The following COL11A1 variants were observed in gnomAD, a reference collection of about 807,000 sequenced individuals.
The protein encoded by COL11A1 is collagen type XI alpha 1 chain.
COL11A1 carries 74 observed loss-of-function variants against 265.2 expected under a neutral mutation model. The ratio of observed to expected loss-of-function variants is 0.28; its 90% CI spans 0.23 to 0.34. COL11A1 has a LOEUF of 0.34. Ranked by LOEUF, COL11A1 falls within the 10% of genes least tolerant of loss-of-function variation. The probability of loss-of-function intolerance (pLI) is 1.00; values close to 1 mark genes in which losing one functional copy is unlikely to be tolerated. For missense variants in COL11A1, 2,165 were observed against 2,263.6 expected (o/e 0.96, Z 0.88); for synonymous variants, 816 against 727.6 (o/e 1.12, Z -1.96).
At chr1:102,916,237 G>A (rs1450515780) in intron 49 of COL11A1, among the ~76,000 whole-genome samples, 1 of 152,090 alleles carries the variant, frequency 6.6e-6, no homozygotes, top group Non-Finnish European at 1.5e-5. Context: ...CTCCATTTGA[G>A]TATACACATA....
chr1:102,934,610 A>C (rs1657951562), intron 45 of COL11A1, 54 bp from the exon 46 acceptor site: 1 of 1,378,258 alleles, frequency 7.3e-7, no homozygotes, highest in South Asian at 1.2e-5. Context: ...TTACGATATG[A>C]GTCATTAAAA....
intron 15 of COL11A1, 22 bp downstream of exon 15, chr1:103,008,441 A>T (rs769615830): frequency 6.2e-7 from 1 of 1,608,456 alleles, no homozygotes; most frequent in Non-Finnish European, 8.5e-7. Flanking sequence ...CAAGAATAAA[A>T]AGTCAAATTT....
chr1:103,036,253 A>T (rs1458010801), intron 4 of COL11A1, among the ~76,000 whole-genome samples: 1 of 149,622 alleles, frequency 6.7e-6, no homozygotes, highest in Non-Finnish European at 1.5e-5. Context: ...CTAGAATGCC[A>T]TACTTAATTA....
rs67228249 is a variant in COL11A1, at chr1:103,086,324, AC to A, written c.107-3353del. 3.9e-3 allele frequency among the ~76,000 whole-genome samples: 593 copies of A among 152,100 alleles called. 4 individuals carry two copies. Among genetic ancestry groups the A allele is most frequent in the African/African-American group, 0.014 (564 of 41,528 alleles). On this transcript the variant is annotated intron_variant, in intron 1 of 66. Transcript: ENST00000370096. ...GGCTGTAATTTTTCTGAAAAGGAAA[AC>A]AAAATGCATCCCCACTGTCATAATC...
At chr1:102,904,561 G>A (rs1197974828) in intron 54 of COL11A1, among the ~76,000 whole-genome samples, 1 of 151,756 alleles carries the variant, frequency 6.6e-6, no homozygotes, top group African/African-American at 2.4e-5. Context: ...AAAAGTGGGT[G>A]AAGGATATGA....
intron 11 of COL11A1, among the ~76,000 whole-genome samples, chr1:103,016,670 T>C (rs1163365364): frequency 6.6e-6 from 1 of 151,954 alleles, no homozygotes; most frequent in Non-Finnish European, 1.5e-5. Flanking sequence ...TGTGAATTTC[T>C]CATAAAAAGT....
Position 102,914,688 on chromosome 1 carries a change from G to T in COL11A1, c.3924+16C>A, listed in dbSNP as rs1305921762. ...TTGGCATAAATGCCACATTAGAGGG[G>T]ACCAAACTCACTTACCGGGTTACCC... On this transcript the variant is annotated intron_variant, in intron 51 of 66. Coordinates refer to ENST00000370096, the MANE Select transcript of COL11A1 (RefSeq NM_001854.4). 1 of 1,593,582 alleles carries T rather than the reference G, an allele frequency of 6.3e-7. No homozygotes were observed. The highest frequency in any genetic ancestry group is 1.3e-5 in the African/African-American group (1 of 74,572).
chr1:103,004,739 C>A, intron 18 of COL11A1, 78 bp from the exon 19 acceptor site: 1 of 1,245,366 alleles, frequency 8.0e-7, no homozygotes, highest in South Asian at 1.3e-5. Context: ...GCTATCCAAA[C>A]CAAATAAAAC....
chr1:102,879,606 C>G, intron 66 of COL11A1, 77 bp downstream of exon 66: 1 of 1,290,610 alleles, frequency 7.7e-7, no homozygotes, highest in Non-Finnish European at 1.1e-6. Context: ...TGAGAAAAAT[C>G]TGGCTAAGGA....
intron 44 of COL11A1, among the ~76,000 whole-genome samples, chr1:102,937,821 C>T (rs561173602): frequency 6.6e-5 from 10 of 152,094 alleles, no homozygotes; most frequent in Non-Finnish European, 1.5e-4. Context: ...TATCCAGCCT[C>T]GGGTATTCAT....
intron 46 of COL11A1, among the ~76,000 whole-genome samples, chr1:102,927,632 G>C (rs1656765356): frequency 6.6e-6 from 1 of 151,606 alleles, no homozygotes; most frequent in South Asian, 2.1e-4. Context: ...GACAGCGTGA[G>C]ACGCCGTCTC....
Position 102,878,027 on chromosome 1 carries a change from G to C in COL11A1, c.5413C>G (p.Leu1805Val). 1 of 1,613,362 alleles carries C rather than the reference G, an allele frequency of 6.2e-7. No homozygotes were observed. The highest frequency in any genetic ancestry group is 8.5e-7 in the Non-Finnish European group (1 of 1,179,576). ...TGTTCTTTGTCTTAATCTTAGCCAA[G>C]AAAACAAACAGGACCAACTTCAAAT... ...FGFEVGPVCF[L>V]G Residue 1805 changes from leucine (L) to valine (V), a missense_variant, in exon 67 of 67, where the codon CTT (leucine) becomes GTT (valine). Physicochemically the swap from Leu to Val is conservative, Grantham distance 32. Coordinates refer to ENST00000370096, the MANE Select transcript of COL11A1 (RefSeq NM_001854.4).
intron 4 of COL11A1, among the ~76,000 whole-genome samples, chr1:103,052,683 C>T (rs1396201849): frequency 6.6e-6 from 1 of 152,142 alleles, no homozygotes; most frequent in Non-Finnish European, 1.5e-5. Flanking sequence ...CATATGCTAT[C>T]TTACAGCTTT....
chr1:102,951,506 G>A (rs1659874397), intron 41 of COL11A1, among the ~76,000 whole-genome samples: 1 of 152,132 alleles, frequency 6.6e-6, no homozygotes, highest in Admixed American at 6.5e-5. Context: ...GACCATCCTG[G>A]CTAACACGGT....
At chr1:102,996,984 T>A in intron 26 of COL11A1, 96 bp downstream of exon 26, 1 of 1,006,068 alleles carries the variant, frequency 9.9e-7, no homozygotes. Flanking sequence ...AAAATAACTA[T>A]ATGAACGTGA....
At chr1:102,941,401 C>T (rs1367695885) in intron 42 of COL11A1, among the ~76,000 whole-genome samples, 16 of 152,120 alleles carry the variant, frequency 1.1e-4, no homozygotes, top group South Asian at 2.1e-4. Context: ...GATCATGTTA[C>T]CTACATTCTT....
chr1:103,006,525 C>CT (rs1557935689), intron 15 of COL11A1, among the ~76,000 whole-genome samples: 1 of 76,208 alleles, frequency 1.3e-5, no homozygotes, highest in Non-Finnish European at 3.0e-5. Flanking sequence ...TAAATGGCTC[C>CT]ATTTTTTTTT....
At chr1:102,996,997 T>A in intron 26 of COL11A1, 83 bp downstream of exon 26, 1 of 1,110,024 alleles carries the variant, frequency 9.0e-7, no homozygotes, top group South Asian at 1.3e-5. Flanking sequence ...GAACGTGATT[T>A]ATATATATGA....
Position 103,026,310 on chromosome 1 carries a change from T to A in COL11A1, c.803A>T (p.Glu268Val), listed in dbSNP as rs544563259. ...IDEYAPEDIIEYDYEYGEAEY... is the reference protein window; with the variant it reads ...IDEYAPEDIIVYDYEYGEAEY... ...TGCTTCCCCATACTCATAGTCATAT[T>A]CGATTATATCCTCTGGTGCATACTA... The change falls in exon 6 of 67, where the codon GAA becomes GTA. Residue 268 changes from glutamate to valine, a missense_variant. Physicochemically the swap from Glu to Val is moderately radical, Grantham distance 121. Transcript: ENST00000370096. The A allele has an allele frequency of 6.2e-7, 1 of 1,613,094 alleles. No individual in the cohort carries two copies. The highest frequency in any genetic ancestry group is 1.3e-5 in the African/African-American group (1 of 75,020).
Sources: gnomAD v4.1 joint callset for allele counts (sites outside exome capture counted in the v4.1 genomes callset) on GRCh38, gnomAD v4.1.1 for gene constraint, MANE v1.5 for transcripts, NCBI Gene and HGNC (gene_info 2026-07-23, HGNC 2026-07-21) for gene names.